ATF6B: variants seen among roughly 807,000 people sequenced by gnomAD.
ATF6B encodes the protein activating transcription factor 6 beta.
In ATF6B, 50 loss-of-function variants were observed where a neutral mutation model predicts 83.5. The observed-to-expected ratio is 0.60, with a 90% CI of 0.48 to 0.76. The LOEUF (loss-of-function observed/expected upper bound fraction) is 0.76, where lower values mean the gene tolerates loss of function less well. Among genes scored for constraint, ATF6B ranks in the 30% least tolerant of loss-of-function variants. The pLI, the probability that ATF6B is intolerant of heterozygous loss-of-function variation, is 0.00. For synonymous variants in ATF6B, 344 were observed against 362.8 expected, an observed-to-expected ratio of 0.95 and a Z score of 0.59; for missense variants, 790 against 893.8, an observed-to-expected ratio of 0.88 and a Z score of 1.48.
chr6:32,127,335 G>A (rs564452675), intron 3 of ATF6B, 107 bp downstream of exon 3: 13 of 1,369,228 alleles, frequency 9.5e-6, no homozygotes, highest in Non-Finnish European at 1.3e-5. Flanking sequence ...AGAGAGGATA[G>A]GCACTTATGT....
chr6:32,115,949 C>T lies in ATF6B; in HGVS notation c.1902G>A (p.Gly634=). 1 of 1,613,748 alleles carries T rather than the reference C, an allele frequency of 6.2e-7. No individual in the cohort carries two copies. Among genetic ancestry groups the T allele is most frequent in the Non-Finnish European group, 8.5e-7 (1 of 1,179,802 alleles). Residue 634 remains glycine, a synonymous_variant, in exon 18 of 18, where the codon GGG becomes GGA. Coordinates refer to ENST00000375203, the MANE Select transcript of ATF6B (RefSeq NM_004381.5). The stretch of plus-strand genomic sequence containing the variant: ...TCATCTCCTCATAGTCCCCCGGGGC[C>T]CCACGGCCTGACAGGGTCTCTGTGA... ...MAPNETLSGR[G]APGDYEEMMQ... is the part of the protein sequence containing the mutation.
Position 32,121,144 on chromosome 6 carries a change from G to A in ATF6B, c.565-20C>T. 2 of 1,602,254 alleles carry A rather than the reference G, an allele frequency of 1.2e-6. No homozygotes were observed. Among genetic ancestry groups the A allele is most frequent in the Non-Finnish European group, 1.7e-6 (2 of 1,173,494 alleles). On this transcript the variant is annotated intron_variant, in intron 6 of 17. Transcript: ENST00000375203. ...AAAAGCCTATGTGGGGCATTCCAGA[G>A]ATACATTAGTCAGGAAGAGTGTCGA...
In ATF6B at chr6:32,117,022, C is replaced by T. The variant is rs1235437073; in HGVS notation, c.1685+15G>A. 6.2e-7 allele frequency: 1 copy of T among 1,612,832 alleles called. No individual in the cohort carries two copies. Among genetic ancestry groups the T allele is most frequent in the African/African-American group, 1.3e-5 (1 of 74,852 alleles). ...GAATTTCACTTAATAAGTAAGCACC[C>T]CACCCCACACTCACCTTTCTGGGGG... is the stretch of plus-strand genomic sequence containing the variant. On this transcript the variant is annotated intron_variant, in intron 15 of 17. Transcript: ENST00000375203. This position sits in a 1 kb window ranked among gnomAD's most constrained non-coding sequence, Gnocchi z 5.0.
chr6:32,126,274 G>A, intron 4 of ATF6B, 22 bp from the exon 5 acceptor site: 1 of 1,611,170 alleles, frequency 6.2e-7, no homozygotes, highest in Non-Finnish European at 8.5e-7. Context: ...TTGGTGTGGG[G>A]CAGGGGGCAG....
In ATF6B at chr6:32,128,155, G is replaced by A; in HGVS notation, c.53C>T (p.Thr18Ile). 2 of 1,613,254 alleles carry A rather than the reference G, an allele frequency of 1.2e-6. No homozygotes were observed. Among genetic ancestry groups the A allele is most frequent in the Non-Finnish European group, 1.7e-6 (2 of 1,180,000 alleles). ...SEIADPTRFF[T>I]DNLLSPEDWG... is the part of the protein sequence containing the mutation. ...GTCCTCCGGGCTAAGCAGGTTGTCG[G>A]TGAAGAAACGCGTCGGGTCAGCAAT... The change falls in exon 1 of 18, where the codon ACC becomes ATC. Residue 18 changes from threonine (T) to isoleucine (I), a missense_variant. Physicochemically the swap from Thr to Ile is moderately conservative, Grantham distance 89. Coordinates refer to ENST00000375203, the MANE Select transcript of ATF6B (RefSeq NM_004381.5).
At position 32,117,851 on chromosome 6, in the gene ATF6B, C is replaced by T. The variant is rs1412436199; in HGVS notation, c.1424+8G>A. On this transcript the variant is annotated splice_region_variant and intron_variant, in intron 12 of 17. Coordinates refer to ENST00000375203, the MANE Select transcript of ATF6B (RefSeq NM_004381.5). The surrounding 1 kb of genome is among the most constrained non-coding windows in gnomAD (Gnocchi z 5.0). ...AAACGAGAGGGGGCCCTCTCTCTCT[C>T]TCCTCACCTGAAACTGGGCTGGTCT... is the stretch of plus-strand genomic sequence containing the variant. 3.2e-6 allele frequency: 5 copies of T among 1,559,948 alleles called. No homozygotes were observed. In the African/African-American group the frequency reaches 5.5e-5, roughly 17 times the overall value.
chr6:32,118,774 C>T lies in ATF6B; in HGVS notation c.1244+1G>A, dbSNP rs1781632532. 5.6e-6 allele frequency: 9 copies of T among 1,614,076 alleles called. No individual in the cohort carries two copies. The highest frequency in any genetic ancestry group is 7.6e-6 in the Non-Finnish European group (9 of 1,179,914). The stretch of plus-strand genomic sequence containing the variant: ...TTCTAGTGAAGCAAGGAAGGTCTCA[C>T]CTGACAGGTCCAAAGTTGAAGGCAA... On this transcript the variant is annotated splice_donor_variant, in intron 11 of 17. Transcript: ENST00000375203. LOFTEE classifies it high-confidence loss of function. This position sits in a 1 kb window ranked among gnomAD's most constrained non-coding sequence, Gnocchi z 5.2.
At chr6:32,120,652 C>T (rs768318511) in intron 8 of ATF6B, 119 bp downstream of exon 8, 72 of 1,271,254 alleles carry the variant, frequency 5.7e-5, no homozygotes, top group African/African-American at 3.2e-4. Flanking sequence ...GGTTTCACCA[C>T]GTTGGCCAGG....
At chr6:32,126,275 C>A (rs1781977498) in intron 4 of ATF6B, 23 bp from the exon 5 acceptor site, 1 of 1,610,694 alleles carries the variant, frequency 6.2e-7, no homozygotes, top group African/African-American at 1.3e-5. Flanking sequence ...TGGTGTGGGG[C>A]AGGGGGCAGA....
At chr6:32,120,935 G>A in intron 7 of ATF6B, 33 bp from the exon 8 acceptor site, 2 of 1,523,914 alleles carry the variant, frequency 1.3e-6, no homozygotes, top group South Asian at 1.3e-5. Context: ...AACAAGAAAT[G>A]TCAGGACCAA....
chr6:32,121,855 G>C (rs1449783103), intron 5 of ATF6B, among the ~76,000 whole-genome samples: 1 of 152,060 alleles, frequency 6.6e-6, no homozygotes, highest in African/African-American at 2.4e-5. Context: ...TTCGCCTAGT[G>C]CTTCCCTTTC....
In ATF6B at chr6:32,115,893, C is replaced by T. The variant is rs1464451001; in HGVS notation, c.1958G>A (p.Arg653Lys). The change falls in exon 18 of 18, where the codon AGG (arginine) becomes AAG (lysine). Residue 653 changes from arginine (R) to lysine (K), a missense_variant. Physicochemically the swap from Arg to Lys is conservative, Grantham distance 26. Around this residue, in one of 3 missense-constraint regions of ATF6B, gnomAD observed 530 missense variants for 632.6 expected, o/e 0.84. Transcript: ENST00000375203. ...MQIECEVMDT[R>K]VIHIKTSTVP... ...TGTGGAGGTCTTGATGTGAATCACCCTGGTGTCCATGACCTCACACTCGAT... is the reference window on the plus strand; with the variant it reads ...TGTGGAGGTCTTGATGTGAATCACCTTGGTGTCCATGACCTCACACTCGAT... The T allele has an allele frequency of 6.2e-7, 1 of 1,614,148 alleles. No individual in the cohort carries two copies.
At chr6:32,120,595 C>T (rs112676685) in intron 8 of ATF6B, 176 bp downstream of exon 8, 2 of 668,552 alleles carry the variant, frequency 3.0e-6, no homozygotes, top group African/African-American at 1.9e-5. Context: ...GGATTACAGG[C>T]GCCTGCCACC....
At chr6:32,120,532 C>A in intron 8 of ATF6B, 1 of 345,604 alleles carries the variant, frequency 2.9e-6, no homozygotes, top group East Asian at 5.4e-5. Context: ...CTCACTGCAA[C>A]CTCCGCCTCC....
chr6:32,125,909 C>A lies in ATF6B; in HGVS notation c.478+208G>T. The A allele has an allele frequency of 1.8e-6, 1 of 555,948 alleles. No individual in the cohort carries two copies. Among genetic ancestry groups the A allele is most frequent in the Non-Finnish European group, 3.0e-6 (1 of 332,630 alleles). 34.4% of individuals were successfully genotyped at this position (555,948 alleles called of 1,614,324 possible). A position where few individuals can be genotyped will look rare whatever the true frequency, so the allele number is the denominator to read the frequency against. On this transcript the variant is annotated intron_variant, in intron 5 of 17. Transcript: ENST00000375203. This position sits in a 1 kb window ranked among gnomAD's most constrained non-coding sequence, Gnocchi z 4.1. The stretch of plus-strand genomic sequence containing the variant: ...AAGAAAAAGAGAGAAAAATAATATC[C>A]ATCTCCTCAGCACTGCCCTTGCTGT...
chr6:32,119,837 G>A lies in ATF6B; in HGVS notation c.953C>T (p.Pro318Leu), dbSNP rs376865183. 1.6e-5 allele frequency: 26 copies of A among 1,613,880 alleles called. No homozygotes were observed. The highest frequency in any genetic ancestry group is 1.6e-4 in the Middle Eastern group (1 of 6,084). ...CCCAACACTTACATCCACTTCAGGC[G>A]GGCAGGAGTTTCCAGGCATAGGAGC... ...VPAPMPGNSC[P>L]PEVDAKLLKR... The change falls in exon 9 of 18, where the codon CCG (proline) becomes CTG (leucine). Residue 318 changes from proline (P) to leucine (L), a missense_variant. This residue lies in a region of ATF6B where 530 missense variants were observed against 632.6 expected (regional missense o/e 0.84). Coordinates refer to ENST00000375203, the MANE Select transcript of ATF6B (RefSeq NM_004381.5). The surrounding 1 kb of genome is among the most constrained non-coding windows in gnomAD (Gnocchi z 4.9).
At chr6:32,127,793 A>G (rs754556195) in intron 1 of ATF6B, 43 bp from the exon 2 acceptor site, 2 of 1,595,504 alleles carry the variant, frequency 1.3e-6, no homozygotes, top group Admixed American at 3.3e-5. Flanking sequence ...CGGTGGCCCC[A>G]GCCTACAGAT....
rs373083921 is a variant in ATF6B, at chr6:32,118,821, T to C, written c.1198A>G (p.Ile400Val). 1.3e-5 allele frequency: 21 copies of C among 1,614,254 alleles called. No individual in the cohort carries two copies. Among genetic ancestry groups the C allele is most frequent in the Non-Finnish European group, 1.7e-6 (2 of 1,180,046 alleles). The change falls in exon 11 of 18, where the codon ATC becomes GTC. Residue 400 changes from isoleucine (I) to valine (V), a missense_variant. Ile to Val is a conservative substitution (Grantham distance 29). Coordinates refer to ENST00000375203, the MANE Select transcript of ATF6B (RefSeq NM_004381.5). The surrounding 1 kb of genome is among the most constrained non-coding windows in gnomAD (Gnocchi z 5.2). Reference protein sequence around the residue: ...LGSGNRKVVCIMVFLLFIAFN... With the variant: ...LGSGNRKVVCVMVFLLFIAFN... The stretch of plus-strand genomic sequence containing the variant: ...GCAATGAAGAGAAGGAAGACCATGA[T>C]GCAGACCACCTTCCTGTTTCCAGAC...
At position 32,115,763 on chromosome 6, in the gene ATF6B, C is replaced by CT; in HGVS notation, c.2087dup (p.Pro697AlafsTer51). 1 of 1,607,156 alleles carries CT rather than the reference C, an allele frequency of 6.2e-7. No homozygotes were observed. Among genetic ancestry groups the CT allele is most frequent in the Non-Finnish European group, 8.5e-7 (1 of 1,176,462 alleles). On this transcript the variant is annotated frameshift_variant, in exon 18 of 18. Coordinates refer to ENST00000375203, the MANE Select transcript of ATF6B (RefSeq NM_004381.5). LOFTEE classifies it high-confidence loss of function. ...GTCAGGGATGATTGAGGTAGAGGGG[C>CT]TGGTGGGAGGCCTGGTGGGCCTGGC...
Sources: allele counts gnomAD v4.1 joint callset (sites outside exome capture counted in the v4.1 genomes callset), GRCh38; gene constraint gnomAD v4.1.1; regional missense constraint gnomAD v4.1.1; non-coding constraint Gnocchi (gnomAD v3.1); transcripts MANE v1.5; gene names NCBI Gene and HGNC (gene_info 2026-07-23, HGNC 2026-07-21).